CSPP1: variants seen among roughly 807,000 people sequenced by gnomAD.
CSPP1 encodes the protein centrosome and spindle pole associated protein 1.
In CSPP1, 126 loss-of-function variants were observed where a neutral mutation model predicts 164.4. The ratio of observed to expected loss-of-function variants is 0.77; its 90% CI spans 0.66 to 0.89. The LOEUF (loss-of-function observed/expected upper bound fraction) is 0.89. Among genes scored for constraint, CSPP1 ranks in the 40% least tolerant of loss-of-function variants. The pLI is 0.00. For missense variants in CSPP1, 1,395 were observed against 1,449.8 expected, an observed-to-expected ratio of 0.96 and a Z score of 0.61; for synonymous variants, 472 against 476.7, an observed-to-expected ratio of 0.99 and a Z score of 0.13.
intron 8 of CSPP1, 55 bp from the exon 9 acceptor site, chr8:67,105,850 C>T: frequency 1.0e-6 from 1 of 996,474 alleles, no homozygotes; most frequent in Admixed American, 1.8e-5. Context: ...AATTTTGCTT[C>T]CTGAAAATTA....
At chr8:67,179,789 C>T in intron 27 of CSPP1, 74 bp from the exon 28 acceptor site, 1 of 993,856 alleles carries the variant, frequency 1.0e-6, no homozygotes, top group Non-Finnish European at 1.6e-6. Flanking sequence ...AAACTTGTGC[C>T]TCTTCTTAGT....
At chr8:67,179,255 T>C (rs930572321) in intron 27 of CSPP1, among the ~76,000 whole-genome samples, 1 of 152,210 alleles carries the variant, frequency 6.6e-6, no homozygotes, top group African/African-American at 2.4e-5. Flanking sequence ...GCATTTTTTT[T>C]CGTTACTATA....
intron 2 of CSPP1, among the ~76,000 whole-genome samples, chr8:67,075,156 A>G (rs1449245470): frequency 6.6e-6 from 1 of 152,210 alleles, no homozygotes; most frequent in Non-Finnish European, 1.5e-5. Flanking sequence ...TGATTTATCC[A>G]TTTAGCAAAT....
At chr8:67,086,888 CTTTT>C (rs75348559) in intron 4 of CSPP1, 628 of 926,534 alleles carry the variant, frequency 6.8e-4, no homozygotes, top group South Asian at 1.5e-3. Flanking sequence ...TTTTTTCTTT[CTTTT>C]TTTTTTTTTT....
chr8:67,074,348 G>A lies in CSPP1; in HGVS notation c.96G>A (p.Met32Ile). The A allele has an allele frequency of 6.4e-7, 1 of 1,572,572 alleles. No individual in the cohort carries two copies. The highest frequency in any genetic ancestry group is 8.7e-7 in the Non-Finnish European group (1 of 1,149,728). The change falls in exon 2 of 31, where the codon ATG becomes ATA. Residue 32 changes from methionine to isoleucine, a missense_variant. Transcript: ENST00000678616. ...AAAGTGATCCACCTTACATGGAAAT[G>A]AAGGTAAATTTAATAATTTTCTTTG... is the stretch of plus-strand genomic sequence containing the variant. ...ELESDPPYME[M>I]KGKLSAKLSE...
At chr8:67,123,606 C>A (rs1237402052) in intron 15 of CSPP1, among the ~76,000 whole-genome samples, 20 of 146,482 alleles carry the variant, frequency 1.4e-4, no homozygotes, top group African/African-American at 5.0e-4. Context: ...TCTTTTTCTT[C>A]TTCGTTTTTT....
rs894040195 is a variant in CSPP1, at chr8:67,163,742, T to C, written c.2654T>C (p.Met885Thr). The C allele has an allele frequency of 1.9e-6, 3 of 1,612,882 alleles. No individual in the cohort carries two copies. The highest frequency in any genetic ancestry group is 1.7e-5 in the Admixed American group (1 of 59,896). Residue 885 changes from methionine (M) to threonine (T), a missense_variant, in exon 23 of 31, where the codon ATG (methionine) becomes ACG (threonine). Physicochemically the swap from Met to Thr is moderately conservative, Grantham distance 81. Transcript: ENST00000678616. Reference protein sequence around the residue: ...IIRSFIHESSMSRAQSPPVPA... With the variant: ...IIRSFIHESSTSRAQSPPVPA... ...ATTATTGTTGAACAGGAAAGTTCCATGTCCAGGGCACAGTCACCCCCGGTA... is the reference window on the plus strand; with the variant it reads ...ATTATTGTTGAACAGGAAAGTTCCACGTCCAGGGCACAGTCACCCCCGGTA...
In CSPP1 at chr8:67,182,961, C is replaced by T. The variant is rs148910111; in HGVS notation, c.3220+3035C>T. Among the ~76,000 whole-genome samples, 13 of 152,274 alleles carry T rather than the reference C, an allele frequency of 8.5e-5. No individual in the cohort carries two copies. In the South Asian group the frequency reaches 2.7e-3, roughly 32 times the overall value. On this transcript the variant is annotated intron_variant, in intron 28 of 30. Transcript: ENST00000678616. ...ACTGTGTTGATTGTGTCCTTTGATA[C>T]ATAGGAGCTTTTAATTTTGATACAG...
At position 67,111,756 on chromosome 8, in the gene CSPP1, C is replaced by A. The variant is rs1053655732; in HGVS notation, c.1094-216C>A. Among the ~76,000 whole-genome samples the A allele has an allele frequency of 2.0e-5, 3 of 152,082 alleles. No homozygotes were observed. The East Asian group carries it at 5.8e-4, about 29-fold the overall frequency. ...TTTTGACTAATGGTAGAGGCATGGG[C>A]ATGATTACTGTATCTTGTGTTTGAC... On this transcript the variant is annotated intron_variant, in intron 9 of 30. Coordinates refer to ENST00000678616, the MANE Select transcript of CSPP1 (RefSeq NM_001382391.1).
intron 17 of CSPP1, among the ~76,000 whole-genome samples, chr8:67,143,752 G>A (rs1054057880): frequency 1.3e-5 from 2 of 152,002 alleles, no homozygotes; most frequent in East Asian, 3.8e-4. Context: ...AGAAATACAG[G>A]TAAATTTTTT....
intron 29 of CSPP1, 53 bp downstream of exon 29, chr8:67,190,812 G>T (rs1385665498): frequency 2.3e-6 from 3 of 1,287,632 alleles, no homozygotes; most frequent in East Asian, 2.3e-5. Flanking sequence ...GAGAGGTCTG[G>T]GTTCTGACCT....
In CSPP1 at chr8:67,159,003, A is replaced by G; in HGVS notation, c.2404A>G (p.Asn802Asp). 1 of 1,598,940 alleles carries G rather than the reference A, an allele frequency of 6.3e-7. No homozygotes were observed. The highest frequency in any genetic ancestry group is 2.2e-5 in the East Asian group (1 of 44,738). Residue 802 changes from asparagine to aspartate, a missense_variant, in exon 21 of 31, where the codon AAT becomes GAT. Physicochemically the swap from Asn to Asp is conservative, Grantham distance 23. Coordinates refer to ENST00000678616, the MANE Select transcript of CSPP1 (RefSeq NM_001382391.1). ...TTTTATTTTAAAGCAAAGGCTAAAAAATGAAGAGCATATTCGGTTAGCTGA... is the reference window on the plus strand; with the variant it reads ...TTTTATTTTAAAGCAAAGGCTAAAAGATGAAGAGCATATTCGGTTAGCTGA... ...REKEEEQRLKNEEHIRLAEER... is the reference protein window; with the variant it reads ...REKEEEQRLKDEEHIRLAEER...
intron 28 of CSPP1, among the ~76,000 whole-genome samples, chr8:67,187,897 T>C (rs1035903128): frequency 6.6e-6 from 1 of 152,192 alleles, no homozygotes; most frequent in African/African-American, 2.4e-5. Flanking sequence ...CGATCTTACA[T>C]CTAAATGTAA....
At chr8:67,146,881 A>G (rs1282321647) in intron 17 of CSPP1, among the ~76,000 whole-genome samples, 1 of 152,322 alleles carries the variant, frequency 6.6e-6, no homozygotes, top group African/African-American at 2.4e-5. Context: ...GACAAATTAC[A>G]CTCTTGACCA....
intron 3 of CSPP1, among the ~76,000 whole-genome samples, chr8:67,085,391 A>G (rs940688299): frequency 6.6e-6 from 1 of 151,904 alleles, no homozygotes; most frequent in African/African-American, 2.4e-5. Context: ...AAAAAAAGAA[A>G]TGTGATTCTA....
chr8:67,178,386 T>C (rs751959831), intron 27 of CSPP1, among the ~76,000 whole-genome samples: 2 of 152,198 alleles, frequency 1.3e-5, no homozygotes, highest in Non-Finnish European at 2.9e-5. Context: ...AATCAACAAA[T>C]ATTTATTATT....
intron 30 of CSPP1, 132 bp from the exon 31 acceptor site, chr8:67,195,250 A>AAC: frequency 1.4e-6 from 1 of 724,970 alleles, no homozygotes; most frequent in Non-Finnish European, 2.5e-6. Context: ...AAAACAAACA[A>AAC]ACAGTAGAGT....
intron 7 of CSPP1, among the ~76,000 whole-genome samples, chr8:67,101,199 G>A (rs531959543): frequency 2.2e-4 from 33 of 152,252 alleles, no homozygotes; most frequent in African/African-American, 7.5e-4. Flanking sequence ...GGATGGTTAC[G>A]TAGGCACCCT....
chr8:67,085,231 G>A (rs927480854), intron 3 of CSPP1, among the ~76,000 whole-genome samples: 2 of 151,946 alleles, frequency 1.3e-5, no homozygotes, highest in Non-Finnish European at 2.9e-5. Context: ...TGCTTAAAAT[G>A]ATTAAAATGG....
Sources: gnomAD v4.1 joint callset for allele counts (sites outside exome capture counted in the v4.1 genomes callset) on GRCh38, gnomAD v4.1.1 for gene constraint, MANE v1.5 for transcripts, NCBI Gene and HGNC (gene_info 2026-07-23, HGNC 2026-07-21) for gene names.